RFX3: variants seen among roughly 807,000 people sequenced by gnomAD.
The protein encoded by RFX3 is regulatory factor X3, also known as transcription factor RFX3.
In RFX3, 14 loss-of-function variants were observed where a neutral mutation model predicts 98.6. That is an observed-to-expected ratio of 0.14 (90% confidence interval 0.09 to 0.22). RFX3 has a LOEUF of 0.22. Ranked by LOEUF, RFX3 falls within the 10% of genes least tolerant of loss-of-function variation. The pLI is 1.00. For missense variants in RFX3, 639 were observed against 926.9 expected (o/e 0.69, Z 4.03); for synonymous variants, 383 against 328.4 (o/e 1.17, Z -1.80).
intron 1 of RFX3, among the ~76,000 whole-genome samples, chr9:3,486,085 A>G (rs956932834): frequency 2.2e-5 from 3 of 138,950 alleles, no homozygotes; most frequent in Non-Finnish European, 3.0e-5. Context: ...AGATCATCCC[A>G]TTGCACTCCA....
At chr9:3,505,647 C>A (rs544448265) in intron 1 of RFX3, among the ~76,000 whole-genome samples, 3 of 150,748 alleles carry the variant, frequency 2.0e-5, no homozygotes, top group African/African-American at 7.3e-5. Flanking sequence ...ATATACAAAG[C>A]CACATTTGAA....
chr9:3,501,327 T>A (rs934031934), intron 1 of RFX3, among the ~76,000 whole-genome samples: 3 of 152,090 alleles, frequency 2.0e-5, no homozygotes, highest in African/African-American at 7.2e-5. Flanking sequence ...CTTTGATATA[T>A]AAATAGAGTT....
intron 4 of RFX3, among the ~76,000 whole-genome samples, 191 bp from the exon 5 acceptor site, chr9:3,301,811 T>C (rs974403649): frequency 6.6e-6 from 1 of 151,868 alleles, no homozygotes; most frequent in Non-Finnish European, 1.5e-5. Flanking sequence ...TGCACACTAA[T>C]AATAAGCCCA....
chr9:3,465,702 G>T (rs1190549695), intron 1 of RFX3, among the ~76,000 whole-genome samples: 1 of 151,972 alleles, frequency 6.6e-6, no homozygotes, highest in Non-Finnish European at 1.5e-5. Flanking sequence ...GGAGTTTACA[G>T]TATACAAAGA....
At chr9:3,499,527 A>G in intron 1 of RFX3, among the ~76,000 whole-genome samples, 1 of 152,216 alleles carries the variant, frequency 6.6e-6, no homozygotes, top group Middle Eastern at 3.4e-3. Flanking sequence ...TACTAAAATT[A>G]GATAGCATTA....
chr9:3,508,929 C>A (rs551604009), intron 1 of RFX3, among the ~76,000 whole-genome samples: 1 of 151,672 alleles, frequency 6.6e-6, no homozygotes, highest in African/African-American at 2.4e-5. Flanking sequence ...TCTGAGCTCA[C>A]TGATTTACTT....
intron 13 of RFX3, 91 bp downstream of exon 13, chr9:3,262,844 A>G (rs974243267): frequency 1.5e-5 from 20 of 1,332,790 alleles, no homozygotes; most frequent in Admixed American, 1.9e-5. Context: ...TATATAGATG[A>G]GACTTTGAAA....
intron 2 of RFX3, among the ~76,000 whole-genome samples, chr9:3,386,619 A>G (rs1007892797): frequency 8.5e-5 from 13 of 152,168 alleles, no homozygotes; most frequent in African/African-American, 3.1e-4. Context: ...TACAAGAGGA[A>G]GCCCAGAAGC....
intron 12 of RFX3, among the ~76,000 whole-genome samples, chr9:3,263,957 G>C (rs1336779159): frequency 1.3e-5 from 2 of 152,076 alleles, no homozygotes; most frequent in Non-Finnish European, 2.9e-5. Flanking sequence ...ACAGTCCTGA[G>C]GGAAAGAGTG....
At chr9:3,341,893 G>A (rs1272675513) in intron 3 of RFX3, among the ~76,000 whole-genome samples, 2 of 152,184 alleles carry the variant, frequency 1.3e-5, no homozygotes, top group African/African-American at 4.8e-5. Context: ...AGAATTCCAT[G>A]TAACCATTTC....
chr9:3,467,264 GTACA>G (rs1023157389), intron 1 of RFX3, among the ~76,000 whole-genome samples: 4 of 142,434 alleles, frequency 2.8e-5, no homozygotes, highest in East Asian at 2.0e-4. Flanking sequence ...ACATATATAT[GTACA>G]TACATACATA....
intron 11 of RFX3, among the ~76,000 whole-genome samples, chr9:3,269,108 C>T (rs1824037194): frequency 1.3e-5 from 2 of 151,954 alleles, no homozygotes; most frequent in South Asian, 4.1e-4. Context: ...AGCCAGGAAA[C>T]TTGCTGTAGG....
rs1564036564 is a variant in RFX3, at chr9:3,393,980, T to C, written c.117+1492A>G. ...GCATATGTATGCTCTGGATCTACAA[T>C]TCTAAAAAAGAGAGAATATGCTTAA... On this transcript the variant is annotated intron_variant, in intron 2 of 16. Transcript: ENST00000617270. Among the ~76,000 whole-genome samples, 4 of 152,114 alleles carry C rather than the reference T, an allele frequency of 2.6e-5. No individual in the cohort carries two copies. In the South Asian group the frequency reaches 8.3e-4, roughly 31 times the overall value.
intron 6 of RFX3, among the ~76,000 whole-genome samples, chr9:3,290,415 T>C (rs1401367182): frequency 1.3e-5 from 2 of 152,250 alleles, no homozygotes; most frequent in South Asian, 2.1e-4. Context: ...ATAGGACCCA[T>C]TGAAATTCCT....
In RFX3 at chr9:3,330,427, C is replaced by T; in HGVS notation, c.306G>A (p.Gln102=). 1 of 1,614,076 alleles carries T rather than the reference C, an allele frequency of 6.2e-7. No homozygotes were observed. The highest frequency in any genetic ancestry group is 1.1e-5 in the South Asian group (1 of 91,084). The change falls in exon 4 of 17, where the codon CAG becomes CAA. Residue 102 remains glutamine, a synonymous_variant. Coordinates refer to ENST00000617270, the MANE Select transcript of RFX3 (RefSeq NM_001282116.2). Reference sequence around the variant, plus strand: ...TGTGGGATGAGACCACGGTAGTCACCTGGGCGGAACTCCCTTGAGTATCAA... The same window carrying T: ...TGTGGGATGAGACCACGGTAGTCACTTGGGCGGAACTCCCTTGAGTATCAA... ...NYFDTQGSSA[Q]VTTVVSSHSM... is the part of the protein sequence containing the mutation.
intron 1 of RFX3, among the ~76,000 whole-genome samples, chr9:3,449,852 A>C (rs1293370892): frequency 6.6e-6 from 1 of 151,040 alleles, no homozygotes; most frequent in Non-Finnish European, 1.5e-5. Context: ...TGGGCAACTG[A>C]GCGACACCCT....
In RFX3 at chr9:3,517,925, A is replaced by G. The variant is rs1818334960; in HGVS notation, c.-9+7822T>C. 1.3e-5 allele frequency among the ~76,000 whole-genome samples: 2 copies of G among 152,340 alleles called. 1 individual carries two copies. The highest frequency in any genetic ancestry group is 3.9e-4 in the East Asian group (2 of 5,172). ...TGTCAACAACAAACCACATCCCATAACAAAATGGAGCTCAAAAATTCCTAT... is the reference window on the plus strand; with the variant it reads ...TGTCAACAACAAACCACATCCCATAGCAAAATGGAGCTCAAAAATTCCTAT... On this transcript the variant is annotated intron_variant, in intron 1 of 16. Coordinates refer to ENST00000617270, the MANE Select transcript of RFX3 (RefSeq NM_001282116.2).
intron 14 of RFX3, among the ~76,000 whole-genome samples, chr9:3,256,062 G>A (rs2131097452): frequency 1.3e-5 from 2 of 152,184 alleles, no homozygotes; most frequent in Middle Eastern, 3.4e-3. Flanking sequence ...CGCCTTCCGG[G>A]TTCACGCCAT....
At chr9:3,428,922 C>A (rs1844366604) in intron 1 of RFX3, among the ~76,000 whole-genome samples, 1 of 152,004 alleles carries the variant, frequency 6.6e-6, no homozygotes. Context: ...CTAAATTACC[C>A]ATTAGGCACA....
Sources: allele counts gnomAD v4.1 joint callset (sites outside exome capture counted in the v4.1 genomes callset), GRCh38; gene constraint gnomAD v4.1.1; transcripts MANE v1.5; gene names NCBI Gene and HGNC (gene_info 2026-07-23, HGNC 2026-07-21).